The following OPRM1 variants were observed in gnomAD, a reference collection of about 807,000 sequenced individuals.
OPRM1 encodes the protein opioid receptor mu 1.
OPRM1 carries 27 observed loss-of-function variants against 31.8 expected under a neutral mutation model. That is an observed-to-expected ratio of 0.85 (90% confidence interval 0.63 to 1.17). The LOEUF (loss-of-function observed/expected upper bound fraction) is 1.17, where lower values mean the gene tolerates loss of function less well. Ranked by LOEUF, OPRM1 falls within the 50% of genes most tolerant of loss-of-function variation. OPRM1 has a pLI of 0.00. For synonymous variants in OPRM1, 196 were observed against 189.9 expected, an observed-to-expected ratio of 1.03 and a Z score of -0.26; for missense variants, 536 against 511.1, an observed-to-expected ratio of 1.05 and a Z score of -0.47.
chr6:154,166,434 A>G (rs1169983217), intron 3 of OPRM1, among the ~76,000 whole-genome samples: 1 of 152,176 alleles, frequency 6.6e-6, no homozygotes, highest in Admixed American at 6.5e-5. Flanking sequence ...TGCTTCTCCC[A>G]ACGTGGAACT....
upstream of OPRM1, chr6:154,039,102 G>A (rs146922767): frequency 1.3e-6 from 2 of 1,486,954 alleles, no homozygotes; most frequent in African/African-American, 2.8e-5. Flanking sequence ...ATTTTTCACT[G>A]CTACCAAAGA....
In OPRM1 at chr6:154,121,007, C is replaced by T. The variant is rs1270839908; in HGVS notation, c.*2286C>T. ...TTTTTCATTCAAAACCATTTTTTAA[C>T]GTAAATTTGCTAGAACCACCTTCCA... On this transcript the variant is annotated 3_prime_UTR_variant, in exon 4 of 4. Transcript: ENST00000330432. Among the ~76,000 whole-genome samples, 2 of 152,248 alleles carry T rather than the reference C, an allele frequency of 1.3e-5. No individual in the cohort carries two copies. Among genetic ancestry groups the T allele is most frequent in the East Asian group, 1.9e-4 (1 of 5,190 alleles).
At chr6:154,076,423 A>G (rs1327895339) in intron 1 of OPRM1, among the ~76,000 whole-genome samples, 1 of 152,250 alleles carries the variant, frequency 6.6e-6, no homozygotes, top group Admixed American at 6.5e-5. Flanking sequence ...TTCATAGACG[A>G]GGCAGTACAA....
At chr6:154,088,670 TTTAA>T (rs1256038697) in intron 1 of OPRM1, among the ~76,000 whole-genome samples, 4 of 152,226 alleles carry the variant, frequency 2.6e-5, no homozygotes, top group Non-Finnish European at 4.4e-5. Context: ...AATTGTATAC[TTTAA>T]TTATGCGTTA....
At chr6:154,047,200 AC>A (rs1554258894) in intron 1 of OPRM1, among the ~76,000 whole-genome samples, 1 of 118,146 alleles carries the variant, frequency 8.5e-6, no homozygotes, top group Non-Finnish European at 1.7e-5. Context: ...CACAGAAGCC[AC>A]CAGGTGAGCA....
At chr6:154,068,700 TG>T (rs1785994986) in intron 1 of OPRM1, among the ~76,000 whole-genome samples, 1 of 152,204 alleles carries the variant, frequency 6.6e-6, no homozygotes, top group Admixed American at 6.5e-5. Context: ...ATATTTATTT[TG>T]TTCCCTTTGG....
At chr6:154,110,206 A>G in intron 3 of OPRM1, 1 of 529,442 alleles carries the variant, frequency 1.9e-6, no homozygotes. Context: ...TTGGGTTTTC[A>G]CTTTTGTTTT....
intron 3 of OPRM1, among the ~76,000 whole-genome samples, chr6:154,192,536 C>T (rs1801995178): frequency 6.6e-6 from 1 of 152,230 alleles, no homozygotes; most frequent in Non-Finnish European, 1.5e-5. Flanking sequence ...CAAAAAGCTT[C>T]TGCACAGCAA....
chr6:154,057,088 T>C (rs9478500), intron 1 of OPRM1, among the ~76,000 whole-genome samples: 24,853 of 152,242 alleles, frequency 0.16, 2,147 homozygotes, highest in African/African-American at 0.19. Flanking sequence ...AAAGATATTC[T>C]TTTTGTCCTT....
At chr6:154,142,893 A>G (rs1272227994) in intron 3 of OPRM1, among the ~76,000 whole-genome samples, 1 of 152,110 alleles carries the variant, frequency 6.6e-6, no homozygotes, top group African/African-American at 2.4e-5. Flanking sequence ...TCATTCTCTA[A>G]TGCAGCCTCA....
chr6:154,051,301 C>T (rs9282820), intron 1 of OPRM1, among the ~76,000 whole-genome samples: 3,557 of 152,208 alleles, frequency 0.023, 138 homozygotes, highest in African/African-American at 0.083. Context: ...GGCTCTAGGA[C>T]CGTGAATTAG....
chr6:154,138,275 A>G (rs1267561291), intron 3 of OPRM1, among the ~76,000 whole-genome samples: 1 of 152,240 alleles, frequency 6.6e-6, no homozygotes, highest in Non-Finnish European at 1.5e-5. Flanking sequence ...CAGTTTTTTA[A>G]CAAGTAAATA....
intron 3 of OPRM1, among the ~76,000 whole-genome samples, chr6:154,207,475 C>T (rs1008235559): frequency 2.6e-5 from 4 of 152,298 alleles, no homozygotes; most frequent in East Asian, 3.9e-4. Flanking sequence ...CTTTGGTAGA[C>T]AACTGTTCAA....
At chr6:154,097,344 CT>C (rs1446992115) in intron 3 of OPRM1, among the ~76,000 whole-genome samples, 1 of 152,134 alleles carries the variant, frequency 6.6e-6, no homozygotes, top group Non-Finnish European at 1.5e-5. Context: ...CCCAGCTAAA[CT>C]AAAAGCAGAA....
intron 1 of OPRM1, among the ~76,000 whole-genome samples, chr6:154,049,281 C>A (rs189171777): frequency 6.6e-6 from 1 of 152,190 alleles, no homozygotes; most frequent in African/African-American, 2.4e-5. Context: ...TCACCACCAC[C>A]ACCAACAACA....
At chr6:154,171,369 A>C (rs1199751033) in intron 3 of OPRM1, among the ~76,000 whole-genome samples, 3 of 152,204 alleles carry the variant, frequency 2.0e-5, no homozygotes, top group Non-Finnish European at 4.4e-5. Flanking sequence ...CCAGTCACAA[A>C]CAACCACATA....
chr6:154,011,089 G>A (rs1321116615), intron 1 of OPRM1: 1 of 1,256,992 alleles, frequency 8.0e-7, no homozygotes, highest in Non-Finnish European at 1.0e-6. Context: ...GAGGAGTAAG[G>A]GCTGCTTGAC....
chr6:154,018,505 C>CTTTT (rs747320275), intron 1 of OPRM1, among the ~76,000 whole-genome samples: 3 of 141,218 alleles, frequency 2.1e-5, no homozygotes, highest in African/African-American at 5.2e-5. Flanking sequence ...CCCGTTAATT[C>CTTTT]TTTTTTTTTT....
At chr6:154,229,346 GTTTTTTTTTTT>G (rs34462600) in intron 3 of OPRM1, among the ~76,000 whole-genome samples, 2 of 112,680 alleles carry the variant, frequency 1.8e-5, no homozygotes, top group African/African-American at 6.9e-5. Flanking sequence ...AAGTTTGCCG[GTTTTTTTTTTT>G]TTTTTTTTTT....
Sources: gnomAD v4.1 joint callset for allele counts (sites outside exome capture counted in the v4.1 genomes callset) on GRCh38, gnomAD v4.1.1 for gene constraint, MANE v1.5 for transcripts, NCBI Gene and HGNC (gene_info 2026-07-23, HGNC 2026-07-21) for gene names.